Variants in HERC2 observed in about 807,000 individuals in gnomAD.
HERC2 encodes HECT and RLD domain containing E3 ubiquitin protein ligase 2, also known as E3 ubiquitin-protein ligase HERC2.
A neutral mutation model predicts 537.7 loss-of-function variants in HERC2; 102 were observed. The ratio of observed to expected loss-of-function variants is 0.19; its 90% CI spans 0.16 to 0.22. HERC2 has a LOEUF of 0.22. HERC2 is among the 10% of genes least tolerant of loss of function. HERC2 has a pLI of 1.00. For missense variants in HERC2, 4,236 were observed against 6,198.2 expected (o/e 0.68, Z 10.63); for synonymous variants, 2,224 against 2,466.2 (o/e 0.90, Z 2.91).
chr15:28,126,706 C>CG (rs1889528650), intron 83 of HERC2, among the ~76,000 whole-genome samples: 1 of 152,102 alleles, frequency 6.6e-6, no homozygotes, highest in Middle Eastern at 3.4e-3. Context: ...TTTGGAGACT[C>CG]GGGGGAAAGG....
intron 30 of HERC2, among the ~76,000 whole-genome samples, chr15:28,230,996 C>T (rs1358615873): frequency 6.6e-6 from 1 of 151,730 alleles, no homozygotes; most frequent in East Asian, 1.9e-4. Flanking sequence ...AGTCCATGGG[C>T]AACACAAAGC....
chr15:28,130,247 GC>G lies in HERC2; in HGVS notation c.12717del (p.Arg4239SerfsTer57). The stretch of plus-strand genomic sequence containing the variant: ...CCCTGCAACCCTTGGACCTGCCGAG[GC>G]CTTCGAACATGGTCATCTGATCCAT... ...LGHGSDDHVR[R>X]PRQVQGLQGK... On this transcript the variant is annotated frameshift_variant, in exon 83 of 93. Transcript: ENST00000261609. LOFTEE classifies it high-confidence loss of function. 6.2e-7 allele frequency: 1 copy of G among 1,614,146 alleles called. No homozygotes were observed. Among genetic ancestry groups the G allele is most frequent in the Non-Finnish European group, 8.5e-7 (1 of 1,180,028 alleles).
chr15:28,127,139 T>G (rs760419151), intron 83 of HERC2, among the ~76,000 whole-genome samples: 2 of 152,214 alleles, frequency 1.3e-5, no homozygotes, highest in African/African-American at 4.8e-5. Flanking sequence ...TCAAGGGCAG[T>G]GTACTTGTCT....
Position 28,256,978 on chromosome 15 carries a change from C to CAT in HERC2, c.2517+81_2517+82dup. 1.1e-5 allele frequency: 13 copies of CAT among 1,157,100 alleles called. No individual in the cohort carries two copies. The South Asian group carries it at 1.8e-4, about 16-fold the overall frequency. 71.7% of individuals were successfully genotyped at this position (1,157,100 alleles called of 1,614,324 possible). On this transcript the variant is annotated intron_variant, in intron 17 of 92. Coordinates refer to ENST00000261609, the MANE Select transcript of HERC2 (RefSeq NM_004667.6). ...ATATTTCACCGAACAGGCTAAAACC[C>CAT]ATGCCCTTCAAAATACATAAACCTT...
At chr15:28,139,302 ACT>A (rs972062775) in intron 78 of HERC2, among the ~76,000 whole-genome samples, 8 of 151,988 alleles carry the variant, frequency 5.3e-5, no homozygotes, top group African/African-American at 1.7e-4. Flanking sequence ...TGTCTCCTCC[ACT>A]CTCTCTTGCT....
chr15:28,177,244 C>A lies in HERC2; in HGVS notation c.9255-117G>T. The A allele has an allele frequency of 7.8e-7, 1 of 1,284,878 alleles. No individual in the cohort carries two copies. The highest frequency in any genetic ancestry group is 1.4e-5 in the South Asian group (1 of 69,554). 79.6% of individuals were successfully genotyped at this position (1,284,878 alleles called of 1,614,324 possible). On this transcript the variant is annotated intron_variant, in intron 60 of 92. Coordinates refer to ENST00000261609, the MANE Select transcript of HERC2 (RefSeq NM_004667.6). The surrounding 1 kb of genome is among the most constrained non-coding windows in gnomAD (Gnocchi z 5.0). ...AACACAGGATCCACAGATCAACTAT[C>A]AAAACTTAAAGCAGAACCGGTGAGA...
chr15:28,280,315 A>C, intron 4 of HERC2, 28 bp from the exon 5 acceptor site: 99 of 1,544,890 alleles, frequency 6.4e-5, no homozygotes, highest in Middle Eastern at 2.0e-4. Flanking sequence ...AAAACATCTC[A>C]CCTGTGGACA....
At chr15:28,224,166 C>CACACACACACACACACAGAG (rs748053596) in intron 35 of HERC2, among the ~76,000 whole-genome samples, 4 of 147,656 alleles carry the variant, frequency 2.7e-5, no homozygotes, top group African/African-American at 1.0e-4. Context: ...CACACACACA[C>CACACACACACACACACAGAG]AGAGAGAGAG....
At chr15:28,131,262 C>T (rs896282182) in intron 81 of HERC2, among the ~76,000 whole-genome samples, 2 of 152,212 alleles carry the variant, frequency 1.3e-5, no homozygotes, top group Non-Finnish European at 2.9e-5. Flanking sequence ...GCCCAGCATC[C>T]TCAGCCTTGG....
chr15:28,161,365 T>C (rs1893574050), intron 69 of HERC2, among the ~76,000 whole-genome samples: 2 of 152,114 alleles, frequency 1.3e-5, no homozygotes, highest in African/African-American at 4.8e-5. Flanking sequence ...CTAAACTAAG[T>C]GACAGAGTAA....
intron 38 of HERC2, among the ~76,000 whole-genome samples, chr15:28,216,976 C>T (rs1189344106): frequency 6.6e-6 from 1 of 152,146 alleles, no homozygotes; most frequent in Admixed American, 6.5e-5. Flanking sequence ...GTTATAACCT[C>T]CCATTCACTG....
Position 28,115,492 on chromosome 15 carries a change from G to C in HERC2, c.13659C>G (p.Asn4553Lys), listed in dbSNP as rs1439665713. The C allele has an allele frequency of 6.2e-7, 1 of 1,614,022 alleles. No homozygotes were observed. The highest frequency in any genetic ancestry group is 2.2e-5 in the East Asian group (1 of 44,860). The part of the protein sequence containing the change: ...AIRTGSPLSL[N>K]LAEPVWKQLA... Reference sequence around the variant, plus strand: ...GCTGCTTCCAGACAGGCTCGGCAAGGTTGAGGCTCAGGGGACTCCCGGTTC... The same window carrying C: ...GCTGCTTCCAGACAGGCTCGGCAAGCTTGAGGCTCAGGGGACTCCCGGTTC... Residue 4553 changes from asparagine to lysine, a missense_variant, in exon 89 of 93, where the codon AAC (asparagine) becomes AAG (lysine). Physicochemically the swap from Asn to Lys is moderately conservative, Grantham distance 94 (BLOSUM62 0). Coordinates refer to ENST00000261609, the MANE Select transcript of HERC2 (RefSeq NM_004667.6).
chr15:28,267,347 G>A (rs567788430), intron 12 of HERC2, among the ~76,000 whole-genome samples: 1 of 152,238 alleles, frequency 6.6e-6, no homozygotes, highest in South Asian at 2.1e-4. Context: ...AGAATAAGGC[G>A]TAAGTTACTC....
At chr15:28,236,690 C>T (rs767144889) in intron 26 of HERC2, among the ~76,000 whole-genome samples, 1 of 152,054 alleles carries the variant, frequency 6.6e-6, no homozygotes, top group Non-Finnish European at 1.5e-5. Flanking sequence ...CAGGCTCAAG[C>T]GATCCTCCTA....
chr15:28,290,834 T>C (rs2076290613), intron 4 of HERC2, among the ~76,000 whole-genome samples: 1 of 152,222 alleles, frequency 6.6e-6, no homozygotes, highest in Admixed American at 6.5e-5. Flanking sequence ...GAAATTTATA[T>C]TATAGTTTTG....
chr15:28,226,369 A>C (rs1279588453), intron 35 of HERC2, among the ~76,000 whole-genome samples: 2 of 142,252 alleles, frequency 1.4e-5, no homozygotes, highest in African/African-American at 6.1e-5. Context: ...AAAACAGTAC[A>C]AAACTACAAT....
intron 38 of HERC2, among the ~76,000 whole-genome samples, chr15:28,218,049 C>G (rs1158034870): frequency 6.6e-6 from 1 of 151,826 alleles, no homozygotes; most frequent in Non-Finnish European, 1.5e-5. Flanking sequence ...TATCGTACCT[C>G]GGCAGGTGAC....
chr15:28,115,369 G>T, intron 89 of HERC2, 60 bp downstream of exon 89: 1 of 1,156,776 alleles, frequency 8.6e-7, no homozygotes, highest in Non-Finnish European at 1.3e-6. Context: ...CGGACCCGCA[G>T]AACAGACTGT....
At chr15:28,299,722 ATAAATACTATGCTACCTCT>A (rs1179569533) in intron 2 of HERC2, among the ~76,000 whole-genome samples, 1 of 152,242 alleles carries the variant, frequency 6.6e-6, no homozygotes, top group Non-Finnish European at 1.5e-5. Context: ...GCATAATAGT[ATAAATACTATGCTACCTCT>A]TATGTAACAT....
Sources: allele counts gnomAD v4.1 joint callset (sites outside exome capture counted in the v4.1 genomes callset), GRCh38; gene constraint gnomAD v4.1.1; non-coding constraint Gnocchi (gnomAD v3.1); transcripts MANE v1.5; gene names NCBI Gene and HGNC (gene_info 2026-07-23, HGNC 2026-07-21).